The following LRP1B variants were observed in gnomAD, a reference collection of about 807,000 sequenced individuals.
LRP1B encodes the protein LDL receptor related protein 1B, also known as low-density lipoprotein receptor-related protein 1B.
Under a neutral mutation model 556.6 loss-of-function variants are expected in LRP1B, and 217 were observed. The ratio of observed to expected loss-of-function variants is 0.39; its 90% CI spans 0.35 to 0.44. The LOEUF (loss-of-function observed/expected upper bound fraction) is 0.44, where lower values mean the gene tolerates loss of function less well. LRP1B is among the 20% of genes least tolerant of loss of function. The pLI is 1.00. For synonymous variants in LRP1B, 2,047 were observed against 1,865.8 expected, an observed-to-expected ratio of 1.10 and a Z score of -2.50; for missense variants, 5,053 against 5,620.8, an observed-to-expected ratio of 0.90 and a Z score of 3.23.
At chr2:141,129,287 A>C (rs1558880477) in intron 7 of LRP1B, among the ~76,000 whole-genome samples, 2 of 152,196 alleles carry the variant, frequency 1.3e-5, no homozygotes, top group Non-Finnish European at 2.9e-5. Flanking sequence ...TTACAAATTA[A>C]TATACGTATT....
chr2:140,881,194 G>A (rs560483576), intron 25 of LRP1B, among the ~76,000 whole-genome samples: 14 of 151,704 alleles, frequency 9.2e-5, no homozygotes, highest in Non-Finnish European at 1.8e-4. Flanking sequence ...AGTAAGCTGA[G>A]TTTAAATAAA....
Position 141,260,917 on chromosome 2 carries a change from G to T in LRP1B, c.344-6276C>A, listed in dbSNP as rs144973366. 4.2e-3 allele frequency among the ~76,000 whole-genome samples: 638 copies of T among 152,138 alleles called. 2 individuals are homozygous for T. The highest frequency in any genetic ancestry group is 0.014 in the African/African-American group (585 of 41,488). On this transcript the variant is annotated intron_variant, in intron 3 of 90. Coordinates refer to ENST00000389484, the MANE Select transcript of LRP1B (RefSeq NM_018557.3). ...AATAAAATTGCTTCTTAAATTAGGTGTGTGCAAAAATGCCTTTTATCCAAC... is the reference window on the plus strand; with the variant it reads ...AATAAAATTGCTTCTTAAATTAGGTTTGTGCAAAAATGCCTTTTATCCAAC...
At chr2:140,942,845 C>T (rs1695440740) in intron 20 of LRP1B, among the ~76,000 whole-genome samples, 1 of 152,044 alleles carries the variant, frequency 6.6e-6, no homozygotes, top group Non-Finnish European at 1.5e-5. Context: ...ATGTATATAG[C>T]CCACAGGCCC....
intron 72 of LRP1B, among the ~76,000 whole-genome samples, chr2:140,362,452 T>C (rs1423710325): frequency 1.3e-5 from 2 of 151,696 alleles, no homozygotes; most frequent in Non-Finnish European, 2.9e-5. Flanking sequence ...CCTTTATATG[T>C]TGAAAATATT....
chr2:141,451,628 T>A (rs563600537), intron 3 of LRP1B, among the ~76,000 whole-genome samples: 1 of 152,088 alleles, frequency 6.6e-6, no homozygotes, highest in Middle Eastern at 3.4e-3. Context: ...TTATACGTTA[T>A]AAAAAAAACT....
intron 18 of LRP1B, among the ~76,000 whole-genome samples, chr2:140,960,551 A>G (rs1696004179): frequency 6.6e-6 from 1 of 151,780 alleles, no homozygotes; most frequent in African/African-American, 2.4e-5. Context: ...CACTAAATAG[A>G]AAGAACGTTA....
chr2:141,876,743 C>T (rs948632815), intron 1 of LRP1B, among the ~76,000 whole-genome samples: 4 of 151,754 alleles, frequency 2.6e-5, no homozygotes, highest in African/African-American at 9.7e-5. Context: ...AAGTTTCTTA[C>T]GTTGGCTTTC....
intron 22 of LRP1B, among the ~76,000 whole-genome samples, chr2:140,905,714 A>C (rs1486686350): frequency 6.6e-6 from 1 of 152,030 alleles, no homozygotes; most frequent in Non-Finnish European, 1.5e-5. Flanking sequence ...TCCTTAGCAC[A>C]CCCCGACCTT....
intron 73 of LRP1B, 106 bp downstream of exon 73, chr2:140,358,715 C>A (rs2105137101): frequency 1.8e-6 from 2 of 1,141,236 alleles, no homozygotes; most frequent in South Asian, 1.4e-5. Flanking sequence ...GAAAATAATG[C>A]CCTCAGATGT....
chr2:141,906,539 T>G (rs1699766382), intron 1 of LRP1B, among the ~76,000 whole-genome samples: 1 of 152,018 alleles, frequency 6.6e-6, no homozygotes, highest in African/African-American at 2.4e-5. Flanking sequence ...ATCTGCAAAT[T>G]TTAATACCTC....
At chr2:140,434,294 T>C (rs1686080940) in intron 66 of LRP1B, among the ~76,000 whole-genome samples, 2 of 152,106 alleles carry the variant, frequency 1.3e-5, no homozygotes, top group South Asian at 4.1e-4. Flanking sequence ...GGTCTTGAAC[T>C]CCTGACCTCA....
chr2:140,827,608 C>G (rs10189427), intron 31 of LRP1B, among the ~76,000 whole-genome samples: 5,622 of 151,676 alleles, frequency 0.037, 337 homozygotes, highest in African/African-American at 0.13. Flanking sequence ...ATGAAGAACA[C>G]CTGCAAGATA....
At chr2:140,965,682 T>A (rs145402134) in intron 18 of LRP1B, among the ~76,000 whole-genome samples, 120 of 152,234 alleles carry the variant, frequency 7.9e-4, no homozygotes, top group African/African-American at 2.8e-3. Flanking sequence ...ATTAGGTATA[T>A]CTCCTAATGC....
chr2:140,505,415 A>G (rs1025079327), intron 53 of LRP1B, among the ~76,000 whole-genome samples: 5 of 152,152 alleles, frequency 3.3e-5, no homozygotes, highest in Non-Finnish European at 5.9e-5. Flanking sequence ...CCCTGCTTCT[A>G]TTCTTCAGTG....
intron 7 of LRP1B, among the ~76,000 whole-genome samples, chr2:141,144,650 C>T (rs748482002): frequency 1.3e-5 from 2 of 152,102 alleles, no homozygotes; most frequent in African/African-American, 4.8e-5. Context: ...ATTAAGTCAC[C>T]CTTCAGCTTT....
intron 86 of LRP1B, among the ~76,000 whole-genome samples, chr2:140,265,202 C>A (rs577741771): frequency 1.3e-4 from 20 of 152,126 alleles, no homozygotes; most frequent in African/African-American, 4.6e-4. Context: ...CTCAATAATT[C>A]TTCACAGTAG....
At chr2:141,850,579 G>GTATC (rs1342986109) in intron 1 of LRP1B, among the ~76,000 whole-genome samples, 1 of 145,900 alleles carries the variant, frequency 6.9e-6, no homozygotes, top group South Asian at 2.3e-4. Flanking sequence ...GTATATGTGT[G>GTATC]TATGTATATA....
chr2:140,836,763 A>G (rs967657967), intron 31 of LRP1B, among the ~76,000 whole-genome samples: 2 of 152,226 alleles, frequency 1.3e-5, no homozygotes, highest in Non-Finnish European at 1.5e-5. Context: ...TATTTAAAAA[A>G]AAAGTATTGC....
intron 2 of LRP1B, among the ~76,000 whole-genome samples, chr2:141,629,942 G>T (rs529155835): frequency 4.6e-5 from 7 of 152,122 alleles, no homozygotes; most frequent in African/African-American, 1.7e-4. Context: ...AGGCATGAGA[G>T]AAGAGCAGTC....
Sources: gnomAD v4.1 joint callset for allele counts (sites outside exome capture counted in the v4.1 genomes callset) on GRCh38, gnomAD v4.1.1 for gene constraint, MANE v1.5 for transcripts, NCBI Gene and HGNC (gene_info 2026-07-23, HGNC 2026-07-21) for gene names.